PPEF1: variants seen among roughly 807,000 people sequenced by gnomAD.
PPEF1 encodes the protein serine/threonine-protein phosphatase with EF-hands 1.
A neutral mutation model predicts 53.3 loss-of-function variants in PPEF1; 12 were observed. The ratio of observed to expected loss-of-function variants is 0.23; its 90% CI spans 0.14 to 0.36. The LOEUF is 0.36. Ranked by LOEUF, PPEF1 falls within the 10% of genes least tolerant of loss-of-function variation. The pLI, the probability that PPEF1 is intolerant of heterozygous loss-of-function variation, is 1.00. For missense variants in PPEF1, 334 were observed against 490.4 expected, an observed-to-expected ratio of 0.68 and a Z score of 3.01; for synonymous variants, 165 against 176.7, an observed-to-expected ratio of 0.93 and a Z score of 0.52.
At chrX:18,720,461 G>T (rs752403606) in intron 1 of PPEF1, among the ~76,000 whole-genome samples, 7 of 110,337 alleles carry the variant, frequency 6.3e-5, no homozygotes, top group Non-Finnish European at 1.1e-4. Context: ...GCATGGTGGC[G>T]TGTGCCTGTA....
At chrX:18,769,500 G>A (rs1344338477) in intron 6 of PPEF1, among the ~76,000 whole-genome samples, 2 of 111,265 alleles carry the variant, frequency 1.8e-5, no homozygotes, top group South Asian at 7.5e-4. Flanking sequence ...TGCCATGAGT[G>A]GTGACCTCCT....
upstream of PPEF1, among the ~76,000 whole-genome samples, chrX:18,680,011 C>T (rs1402883845): frequency 9.3e-6 from 1 of 107,775 alleles, no homozygotes; most frequent in African/African-American, 3.4e-5. Flanking sequence ...ATCGCTTGAG[C>T]CTGGGAGGCG....
chrX:18,708,955 TA>T (rs1425662011), intron 1 of PPEF1, among the ~76,000 whole-genome samples: 227 of 103,195 alleles, frequency 2.2e-3, no homozygotes, highest in Admixed American at 2.1e-3. Flanking sequence ...TTTCCTAGGT[TA>T]AAAAAAAAAA....
At chrX:18,757,439 C>T (rs1305542270) in intron 4 of PPEF1, among the ~76,000 whole-genome samples, 188 bp from the exon 5 acceptor site, 1 of 111,011 alleles carries the variant, frequency 9.0e-6, no homozygotes, top group African/African-American at 3.3e-5. Flanking sequence ...CTCAGTTACA[C>T]ACGTCGACTG....
At chrX:18,715,441 A>G (rs1266341194) in intron 1 of PPEF1, among the ~76,000 whole-genome samples, 1 of 110,446 alleles carries the variant, frequency 9.1e-6, no homozygotes, top group African/African-American at 3.3e-5. Context: ...CTGAGGCAGG[A>G]GAATTGCCTG....
upstream of PPEF1, among the ~76,000 whole-genome samples, chrX:18,702,756 A>G (rs2044109990): frequency 9.0e-6 from 1 of 111,039 alleles, no homozygotes; most frequent in African/African-American, 3.3e-5. Flanking sequence ...TTCCTTTTGC[A>G]AATTATAAGT....
Position 18,730,212 on chromosome X carries a change from G to A in PPEF1, c.78G>A (p.Trp26Ter). 1 of 1,209,943 alleles carries A rather than the reference G, an allele frequency of 8.3e-7. No individual in the cohort carries two copies. Among genetic ancestry groups the A allele is most frequent in the Non-Finnish European group, 1.1e-6 (1 of 894,361 alleles). Reference sequence around the variant, plus strand: ...GAGCTGCGTTGATCATCCAGAACTGGTACCGAGGTTACAAAGCTCGACTGA... The same window carrying A: ...GAGCTGCGTTGATCATCCAGAACTGATACCGAGGTTACAAAGCTCGACTGA... ...SLRAALIIQN[W>*]YRGYKARLKA... is the part of the protein sequence containing the mutation. Residue 26 changes from tryptophan to a stop codon, truncating the protein, a stop_gained, in exon 2 of 16, where the codon TGG becomes TGA. Transcript: ENST00000470157. LOFTEE classifies it high-confidence loss of function.
chrX:18,779,770 C>T (rs1854764881), intron 7 of PPEF1, among the ~76,000 whole-genome samples: 1 of 112,045 alleles, frequency 8.9e-6, no homozygotes, highest in Non-Finnish European at 1.9e-5. Context: ...TCCCTTTTCC[C>T]TTCTTTTTTT....
intron 13 of PPEF1, among the ~76,000 whole-genome samples, chrX:18,822,738 G>A (rs1178966308): frequency 9.0e-6 from 1 of 111,001 alleles, no homozygotes; most frequent in Admixed American, 9.7e-5. Flanking sequence ...TTAAGATAAA[G>A]GGGACTGAAA....
rs1236046493 is a variant in PPEF1 at position 18,782,759 on chromosome X, A to G, written c.762+357A>G. Among the ~76,000 whole-genome samples the G allele has an allele frequency of 2.7e-5, 3 of 111,193 alleles. No individual in the cohort carries two copies. In the Admixed American group the frequency reaches 2.9e-4, roughly 11 times the overall value. ...AGATTTTTATTTACAATTCTCTAGA[A>G]AATGGAGGCACTGCAAGCCACTCTG... On this transcript the variant is annotated intron_variant, in intron 8 of 15. Transcript: ENST00000470157.
At chrX:18,716,702 T>A (rs1006876528) in intron 1 of PPEF1, among the ~76,000 whole-genome samples, 1 of 110,726 alleles carries the variant, frequency 9.0e-6, no homozygotes, top group Non-Finnish European at 1.9e-5. Flanking sequence ...AAATCTTTCA[T>A]CTTTGGTGTT....
At chrX:18,714,458 A>G (rs2044406558) in intron 1 of PPEF1, among the ~76,000 whole-genome samples, 2 of 110,011 alleles carry the variant, frequency 1.8e-5, no homozygotes, top group Admixed American at 9.7e-5. Flanking sequence ...TTTTTAGTAG[A>G]GGCGGGGCTT....
chrX:18,809,121 A>G (rs746368363), intron 12 of PPEF1, among the ~76,000 whole-genome samples: 7 of 108,446 alleles, frequency 6.5e-5, no homozygotes, highest in Admixed American at 2.0e-4. Flanking sequence ...CTATCTATCT[A>G]TCTATCTATC....
chrX:18,679,199 G>A (rs1425184036), upstream of PPEF1, among the ~76,000 whole-genome samples: 2 of 111,848 alleles, frequency 1.8e-5, no homozygotes, highest in African/African-American at 6.5e-5. Context: ...TCAGCCTCCC[G>A]AGTACTTGGG....
At chrX:18,743,122 G>A (rs1454449625) in intron 3 of PPEF1, among the ~76,000 whole-genome samples, 2 of 112,199 alleles carry the variant, frequency 1.8e-5, no homozygotes, top group Non-Finnish European at 3.8e-5. Flanking sequence ...AGTATAAAGG[G>A]ATGTGGACAT....
intron 4 of PPEF1, among the ~76,000 whole-genome samples, chrX:18,751,067 A>G (rs1252266732): frequency 8.9e-6 from 1 of 111,962 alleles, no homozygotes; most frequent in Non-Finnish European, 1.9e-5. Flanking sequence ...CTTTCTGGAT[A>G]TAAATTCCGT....
chrX:18,684,522 G>A (rs1928992226), intron 1 of PPEF1, among the ~76,000 whole-genome samples: 1 of 111,219 alleles, frequency 9.0e-6, no homozygotes, highest in African/African-American at 3.3e-5. Context: ...ATTTCCTAGA[G>A]ATGGCCACTC....
chrX:18,695,267 A>C (rs1280671418), intron 4 of PPEF1, among the ~76,000 whole-genome samples: 1 of 112,839 alleles, frequency 8.9e-6, no homozygotes, highest in African/African-American at 3.2e-5. Flanking sequence ...CTTCTCCCAC[A>C]TGGCAGCTTA....
chrX:18,700,483 CATCATA>C (rs1246609567), intron 6 of PPEF1: 1 of 109,340 alleles, frequency 9.1e-6, no homozygotes, highest in Non-Finnish European at 1.9e-5. Flanking sequence ...CAGAAGTCTA[CATCATA>C]AACATATATC....
Sources: allele counts gnomAD v4.1 joint callset (sites outside exome capture counted in the v4.1 genomes callset), GRCh38; gene constraint gnomAD v4.1.1; transcripts MANE v1.5; gene names NCBI Gene and HGNC (gene_info 2026-07-23, HGNC 2026-07-21).